Variants in F10 observed in about 807,000 individuals in gnomAD.
F10 encodes Stuart-Prower factor.
A neutral mutation model predicts 37.1 loss-of-function variants in F10; 29 were observed. That is an observed-to-expected ratio of 0.78 (90% CI 0.58 to 1.07). The LOEUF is 1.07. Among genes scored for constraint, F10 ranks in the 50% least tolerant of loss-of-function variants. The pLI, the probability that F10 is intolerant of heterozygous loss-of-function variation, is 0.00. For missense variants in F10, 539 were observed against 667.9 expected, an observed-to-expected ratio of 0.81 and a Z score of 2.13; for synonymous variants, 262 against 268.6, an observed-to-expected ratio of 0.98 and a Z score of 0.24.
Position 113,129,511 on chromosome 13 carries a change from T to C in F10, c.130T>C (p.Phe44Leu), listed in dbSNP as rs768578499. ...GGCGAGGGTCACGAGGGCCAATTCC[T>C]TTCTTGAAGAGATGAAGAAAGGACA... ...ILARVTRANSFLEEMKKGHLE... is the reference protein window; with the variant it reads ...ILARVTRANSLLEEMKKGHLE... Residue 44 changes from phenylalanine (F) to leucine (L), a missense_variant, in exon 2 of 8, where the codon TTT (phenylalanine) becomes CTT (leucine). Coordinates refer to ENST00000375559, the MANE Select transcript of F10 (RefSeq NM_000504.4). 1.2e-6 allele frequency: 2 copies of C among 1,614,146 alleles called. No individual in the cohort carries two copies. The highest frequency in any genetic ancestry group is 2.2e-5 in the South Asian group (2 of 91,080).
chr13:113,149,244 C>T lies in F10; in HGVS notation c.1194C>T (p.Ile398=). The change falls in exon 8 of 8, where the codon ATC becomes ATT. Residue 398 remains isoleucine, a synonymous_variant. Transcript: ENST00000375559. The surrounding 1 kb of genome is among the most constrained non-coding windows in gnomAD (Gnocchi z 7.5). ...NSCKLSSSFI[I]TQNMFCAGYD... ...GCAAGCTGTCCAGCAGCTTCATCAT[C>T]ACCCAGAACATGTTCTGTGCCGGCT... The T allele has an allele frequency of 1.2e-6, 2 of 1,613,224 alleles. No individual in the cohort carries two copies. Among genetic ancestry groups the T allele is most frequent in the Non-Finnish European group, 1.7e-6 (2 of 1,180,036 alleles).
At position 113,145,004 on chromosome 13, in the gene F10, G is replaced by A. The variant is rs188477603; in HGVS notation, c.747+909G>A. ...TGTCATTCTCCTGCTTCAGCCTCCC[G>A]AGTAGCTGGGACTACAGGCGCCTGC... On this transcript the variant is annotated intron_variant, in intron 6 of 7. Coordinates refer to ENST00000375559, the MANE Select transcript of F10 (RefSeq NM_000504.4). Among the ~76,000 whole-genome samples, 395 of 152,052 alleles carry A rather than the reference G, an allele frequency of 2.6e-3. 2 individuals are homozygous for A. The highest frequency in any genetic ancestry group is 8.8e-3 in the African/African-American group (364 of 41,466).
intron 7 of F10, among the ~76,000 whole-genome samples, chr13:113,148,345 A>AAAAAATATATAT (rs1300922846): frequency 7.4e-4 from 71 of 95,400 alleles, no homozygotes; most frequent in African/African-American, 2.8e-3. Context: ...AAAAAAAAAA[A>AAAAAATATATAT]ATATATATAT....
chr13:113,135,006 C>T (rs1339291876), intron 2 of F10, among the ~76,000 whole-genome samples: 2 of 151,952 alleles, frequency 1.3e-5, no homozygotes, highest in Non-Finnish European at 2.9e-5. Context: ...TTTGGGAGAC[C>T]GAGGTGGGTG....
At chr13:113,142,338 G>A (rs903266753) in intron 5 of F10, among the ~76,000 whole-genome samples, 9 of 150,864 alleles carry the variant, frequency 6.0e-5, no homozygotes, top group Admixed American at 1.3e-4. Flanking sequence ...TCAGGAGATC[G>A]AGACCATCCT....
rs778741024 is a variant in F10 at position 113,148,944 on chromosome 13, C to T, written c.894C>T (p.Gly298=). Residue 298 remains glycine, a synonymous_variant, in exon 8 of 8, where the codon GGC becomes GGT. Transcript: ENST00000375559. ...VGDRNTEQEE[G]GEAVHEVEVV... ...ACCGGAACACGGAGCAGGAGGAGGG[C>T]GGTGAGGCGGTGCACGAGGTGGAGG... 8.7e-6 allele frequency: 14 copies of T among 1,613,388 alleles called. No homozygotes were observed. Among genetic ancestry groups the T allele is most frequent in the East Asian group, 2.2e-5 (1 of 44,882 alleles).
chr13:113,127,512 CAA>C (rs1194094559), intron 1 of F10, among the ~76,000 whole-genome samples: 2 of 152,202 alleles, frequency 1.3e-5, no homozygotes, highest in South Asian at 4.2e-4. Flanking sequence ...GGGTGAGAGA[CAA>C]AGGAGACACA....
At chr13:113,140,442 A>G (rs2036517092) in intron 4 of F10, 2 of 455,704 alleles carry the variant, frequency 4.4e-6, no homozygotes, top group African/African-American at 2.0e-5. Flanking sequence ...CCTGATGAGA[A>G]TATCAATTAC....
At chr13:113,148,873 T>G in intron 7 of F10, 43 bp from the exon 8 acceptor site, 5 of 1,593,624 alleles carry the variant, frequency 3.1e-6, no homozygotes, top group Non-Finnish European at 3.4e-6. Flanking sequence ...TGCGAGAGCA[T>G]GTCCCTGGCT....
At position 113,149,358 on chromosome 13, in the gene F10, C is replaced by G. The variant is rs764293668; in HGVS notation, c.1308C>G (p.Ile436Met). The G allele has an allele frequency of 6.2e-7, 1 of 1,613,266 alleles. No individual in the cohort carries two copies. Among genetic ancestry groups the G allele is most frequent in the African/African-American group, 1.3e-5 (1 of 74,936 alleles). ...RFKDTYFVTG[I>M]VSWGEGCARK... ...AGGACACCTACTTCGTGACAGGCAT[C>G]GTCAGCTGGGGAGAGGGCTGTGCCC... The change falls in exon 8 of 8, where the codon ATC becomes ATG. Residue 436 changes from isoleucine (I) to methionine (M), a missense_variant. Physicochemically the swap from Ile to Met is conservative, Grantham distance 10. This residue lies in a region of F10 where 409 missense variants were observed against 547.9 expected (regional missense o/e 0.75). Coordinates refer to ENST00000375559, the MANE Select transcript of F10 (RefSeq NM_000504.4). The surrounding 1 kb of genome is among the most constrained non-coding windows in gnomAD (Gnocchi z 7.5).
At chr13:113,125,070 T>C (rs2036358033) in intron 1 of F10, among the ~76,000 whole-genome samples, 1 of 152,222 alleles carries the variant, frequency 6.6e-6, no homozygotes, top group Non-Finnish European at 1.5e-5. Flanking sequence ...TCTTCCTAAC[T>C]AAATACATCA....
chr13:113,149,083 G>A lies in F10; in HGVS notation c.1033G>A (p.Glu345Lys), dbSNP rs766452700. The change falls in exon 8 of 8, where the codon GAG becomes AAG. Residue 345 changes from glutamate (E) to lysine (K), a missense_variant. Physicochemically the swap from Glu to Lys is moderately conservative, Grantham distance 56 (BLOSUM62 1). Around this residue, in one of 2 missense-constraint regions of F10, gnomAD observed 409 missense variants for 547.9 expected, o/e 0.75. Coordinates refer to ENST00000375559, the MANE Select transcript of F10 (RefSeq NM_000504.4). The surrounding 1 kb of genome is among the most constrained non-coding windows in gnomAD (Gnocchi z 7.5). The stretch of plus-strand genomic sequence containing the variant: ...GAACGTGGCGCCTGCCTGCCTCCCC[G>A]AGCGTGACTGGGCCGAGTCCACGCT... ...RMNVAPACLP[E>K]RDWAESTLMT... 25 of 1,613,174 alleles carry A rather than the reference G, an allele frequency of 1.5e-5. No homozygotes were observed. Among genetic ancestry groups the A allele is most frequent in the East Asian group, 2.2e-5 (1 of 44,878 alleles).
chr13:113,124,196 T>A (rs948968822), intron 1 of F10, among the ~76,000 whole-genome samples: 1 of 152,146 alleles, frequency 6.6e-6, no homozygotes, highest in Non-Finnish European at 1.5e-5. Flanking sequence ...TGCTCTGGCT[T>A]ATTGGGAATG....
Position 113,139,583 on chromosome 13 carries a change from A to G in F10, c.370+113A>G. On this transcript the variant is annotated intron_variant, in intron 4 of 7. Coordinates refer to ENST00000375559, the MANE Select transcript of F10 (RefSeq NM_000504.4). This position sits in a 1 kb window ranked among gnomAD's most constrained non-coding sequence, Gnocchi z 5.2. The stretch of plus-strand genomic sequence containing the variant: ...AACAATCTTAAGTCATTTCTGATTT[A>G]CAAAGTCTGGGCTCTATTATACCTA... 1 of 853,452 alleles carries G rather than the reference A, an allele frequency of 1.2e-6. No individual in the cohort carries two copies. The highest frequency in any genetic ancestry group is 1.4e-5 in the South Asian group (1 of 70,320). The allele number at this position is 853,452 out of a possible 1,614,324, so 52.9% of individuals were successfully genotyped here.
intron 1 of F10, 83 bp downstream of exon 1, chr13:113,123,008 GC>G: frequency 6.7e-7 from 1 of 1,490,468 alleles, no homozygotes; most frequent in Non-Finnish European, 9.1e-7. Flanking sequence ...TCTCATCTCT[GC>G]AGCCTGGACG....
At chr13:113,147,765 G>A (rs759597335) in intron 7 of F10, among the ~76,000 whole-genome samples, 16 of 152,256 alleles carry the variant, frequency 1.1e-4, no homozygotes, top group Middle Eastern at 6.8e-3. Flanking sequence ...TCTGGGTCCC[G>A]GGTCTCTGGG....
At position 113,149,284 on chromosome 13, in the gene F10, G is replaced by A; in HGVS notation, c.1234G>A (p.Glu412Lys). 1.2e-6 allele frequency: 2 copies of A among 1,613,218 alleles called. No individual in the cohort carries two copies. Among genetic ancestry groups the A allele is most frequent in the African/African-American group, 1.3e-5 (1 of 75,062 alleles). The change falls in exon 8 of 8, where the codon GAG (glutamate) becomes AAG (lysine). Residue 412 changes from glutamate to lysine, a missense_variant. By Grantham distance (56) the Glu-to-Lys change is moderately conservative. Around this residue, in one of 2 missense-constraint regions of F10, gnomAD observed 409 missense variants for 547.9 expected, o/e 0.75. Coordinates refer to ENST00000375559, the MANE Select transcript of F10 (RefSeq NM_000504.4). This position sits in a 1 kb window ranked among gnomAD's most constrained non-coding sequence, Gnocchi z 7.5. ...MFCAGYDTKQEDACQGDSGGP... is the reference protein window; with the variant it reads ...MFCAGYDTKQKDACQGDSGGP... ...CTGTGCCGGCTACGACACCAAGCAG[G>A]AGGATGCCTGCCAGGGGGACAGCGG...
intron 2 of F10, among the ~76,000 whole-genome samples, chr13:113,132,460 T>C (rs1305450385): frequency 6.6e-6 from 1 of 152,236 alleles, no homozygotes; most frequent in African/African-American, 2.4e-5. Flanking sequence ...CACATATGCA[T>C]GCATTTCTTC....
At chr13:113,142,467 G>T (rs573986199) in intron 5 of F10, among the ~76,000 whole-genome samples, 1 of 135,828 alleles carries the variant, frequency 7.4e-6, no homozygotes, top group Non-Finnish European at 1.7e-5. Flanking sequence ...AGAGAATGGC[G>T]TGAACCTGGA....
Sources: allele counts gnomAD v4.1 joint callset (sites outside exome capture counted in the v4.1 genomes callset), GRCh38; gene constraint gnomAD v4.1.1; regional missense constraint gnomAD v4.1.1; non-coding constraint Gnocchi (gnomAD v3.1); transcripts MANE v1.5; gene names NCBI Gene and HGNC (gene_info 2026-07-23, HGNC 2026-07-21).